RPS6KC1: variants seen among roughly 807,000 people sequenced by gnomAD.
The protein encoded by RPS6KC1 is inactive ribosomal protein S6 kinase delta-1.
A neutral mutation model predicts 103.8 loss-of-function variants in RPS6KC1; 54 were observed. The observed-to-expected ratio is 0.52, with a 90% CI of 0.42 to 0.65. The LOEUF is 0.65. Ranked by LOEUF, RPS6KC1 falls within the 30% of genes least tolerant of loss-of-function variation. The probability of loss-of-function intolerance (pLI) is 0.00; values close to 1 mark genes in which losing one functional copy is unlikely to be tolerated. For missense variants in RPS6KC1, 1,151 were observed against 1,253.8 expected (o/e 0.92, Z 1.24); for synonymous variants, 439 against 438.7 (o/e 1.00, Z -0.01).
the RPS6KC1 span, among the ~76,000 whole-genome samples, chr1:213,544,675 T>A: frequency 6.6e-6 from 1 of 152,192 alleles, no homozygotes; most frequent in Non-Finnish European, 1.5e-5. Flanking sequence ...TAGGCTTTGC[T>A]TGCATCTCAT....
intron 3 of RPS6KC1, among the ~76,000 whole-genome samples, chr1:213,080,305 G>T (rs891122714): frequency 2.0e-5 from 3 of 152,026 alleles, no homozygotes; most frequent in African/African-American, 7.2e-5. Context: ...CTGTTTCTCT[G>T]TATTATTACA....
the RPS6KC1 span, among the ~76,000 whole-genome samples, chr1:213,332,880 C>T: frequency 6.6e-6 from 1 of 152,138 alleles, no homozygotes; most frequent in African/African-American, 2.4e-5. Context: ...GCTTTTCTAA[C>T]CATGGCATGG....
At chr1:213,240,469 G>A (rs557981082) in intron 10 of RPS6KC1, among the ~76,000 whole-genome samples, 60 of 151,876 alleles carry the variant, frequency 4.0e-4, no homozygotes, top group Middle Eastern at 6.8e-3. Context: ...GAAGAAATAG[G>A]TTGTCACTTA....
the RPS6KC1 span, among the ~76,000 whole-genome samples, chr1:213,848,593 A>T: frequency 1.8e-3 from 269 of 152,252 alleles, no homozygotes; most frequent in Non-Finnish European, 2.8e-3. Context: ...ATACCCATAC[A>T]TATATTCTAA....
intron 4 of RPS6KC1, among the ~76,000 whole-genome samples, chr1:213,111,994 G>A (rs1253050777): frequency 2.0e-5 from 3 of 152,118 alleles, no homozygotes; most frequent in African/African-American, 7.2e-5. Flanking sequence ...TAAGGTTTTA[G>A]TTCACATAAC....
At chr1:213,807,871 G>C in the RPS6KC1 span, among the ~76,000 whole-genome samples, 3 of 152,128 alleles carry the variant, frequency 2.0e-5, no homozygotes, top group Non-Finnish European at 4.4e-5. Flanking sequence ...AGAGTTTCCA[G>C]TTTTTCTGCT....
At chr1:213,281,726 A>G in the RPS6KC1 span, among the ~76,000 whole-genome samples, 1 of 152,232 alleles carries the variant, frequency 6.6e-6, no homozygotes, top group East Asian at 1.9e-4. Flanking sequence ...GTGGGCTATC[A>G]TGGTTTGAGG....
At chr1:213,677,773 T>C in the RPS6KC1 span, among the ~76,000 whole-genome samples, 150,775 of 152,212 alleles carry the variant, frequency 0.99, 74,684 homozygotes, top group Middle Eastern at 1. Flanking sequence ...TTTGGGAGGC[T>C]GAGGTGGGTG....
At chr1:213,057,112 G>C (rs1176573198) in intron 1 of RPS6KC1, among the ~76,000 whole-genome samples, 1 of 151,862 alleles carries the variant, frequency 6.6e-6, no homozygotes, top group Non-Finnish European at 1.5e-5. Context: ...ACTAATTTTT[G>C]TATTTTTTTT....
At chr1:213,481,500 T>A in the RPS6KC1 span, among the ~76,000 whole-genome samples, 415 of 152,352 alleles carry the variant, frequency 2.7e-3, 3 homozygotes, top group Non-Finnish European at 4.1e-3. Context: ...TTAATTTATG[T>A]ATTGTTCTTA....
the RPS6KC1 span, among the ~76,000 whole-genome samples, chr1:213,412,408 G>A: frequency 1.3e-5 from 2 of 152,216 alleles, no homozygotes; most frequent in Non-Finnish European, 2.9e-5. Flanking sequence ...GCCTGAGGAA[G>A]CAGAAGAATG....
the RPS6KC1 span, among the ~76,000 whole-genome samples, chr1:213,599,433 GA>G: frequency 1.4e-3 from 192 of 138,128 alleles, 1 homozygote; most frequent in African/African-American, 4.5e-3. Flanking sequence ...TAACACTGGA[GA>G]AAAAAAAAAA....
chr1:213,589,259 T>C, the RPS6KC1 span, among the ~76,000 whole-genome samples: 1 of 152,236 alleles, frequency 6.6e-6, no homozygotes, highest in Non-Finnish European at 1.5e-5. Flanking sequence ...TGTAAGTTTT[T>C]ACTTTAGCTT....
At chr1:213,530,030 CTTTTATTA>C in the RPS6KC1 span, among the ~76,000 whole-genome samples, 1 of 63,158 alleles carries the variant, frequency 1.6e-5, no homozygotes, top group African/African-American at 5.6e-5. Flanking sequence ...TCCTTCACTT[CTTTTATTA>C]TTATTATTAT....
intron 6 of RPS6KC1, among the ~76,000 whole-genome samples, chr1:213,150,891 C>A (rs1183691116): frequency 4.6e-5 from 7 of 151,924 alleles, no homozygotes; most frequent in Non-Finnish European, 7.4e-5. Context: ...TAGGGGTGGC[C>A]GGGCAGAGGC....
chr1:213,700,447 T>C, the RPS6KC1 span, among the ~76,000 whole-genome samples: 1 of 152,084 alleles, frequency 6.6e-6, no homozygotes, highest in Non-Finnish European at 1.5e-5. Context: ...TTGGTTACTA[T>C]AGCTCTGTAT....
the RPS6KC1 span, among the ~76,000 whole-genome samples, chr1:213,695,593 A>G: frequency 2.6e-5 from 4 of 152,330 alleles, no homozygotes; most frequent in South Asian, 4.1e-4. Flanking sequence ...AAGAGTTTTT[A>G]TCTTCCCTTT....
At chr1:213,839,539 A>T in the RPS6KC1 span, among the ~76,000 whole-genome samples, 4 of 152,194 alleles carry the variant, frequency 2.6e-5, no homozygotes, top group Non-Finnish European at 5.9e-5. Context: ...TAAAACAAAA[A>T]GTTGAGAATG....
chr1:213,145,967 G>GGTTTTT (rs2087725341), intron 6 of RPS6KC1, among the ~76,000 whole-genome samples: 1 of 47,802 alleles, frequency 2.1e-5, no homozygotes, highest in African/African-American at 9.8e-5. Context: ...CATTCATTCT[G>GGTTTTT]TTTTTTTTTT....
Sources: gnomAD v4.1 joint callset for allele counts (sites outside exome capture counted in the v4.1 genomes callset) on GRCh38, gnomAD v4.1.1 for gene constraint, MANE v1.5 for transcripts, NCBI Gene and HGNC (gene_info 2026-07-23, HGNC 2026-07-21) for gene names.